Variants in PEPD observed in about 807,000 individuals in gnomAD.
The protein encoded by PEPD is peptidase D.
In PEPD, 53 loss-of-function variants were observed where a neutral mutation model predicts 60.7. The ratio of observed to expected loss-of-function variants is 0.87; its 90% CI spans 0.70 to 1.10. The LOEUF is 1.10. Ranked by LOEUF, PEPD falls within the 50% of genes least tolerant of loss-of-function variation. The probability of loss-of-function intolerance (pLI) is 0.00; values close to 1 mark genes in which losing one functional copy is unlikely to be tolerated. For missense variants in PEPD, 711 were observed against 711.9 expected, an observed-to-expected ratio of 1.00 and a Z score of 0.01; for synonymous variants, 267 against 284.1, an observed-to-expected ratio of 0.94 and a Z score of 0.60.
At chr19:33,439,107 G>A (rs1021080564) in intron 9 of PEPD, among the ~76,000 whole-genome samples, 1 of 152,230 alleles carries the variant, frequency 6.6e-6, no homozygotes, top group African/African-American at 2.4e-5. Context: ...GACAGGACAT[G>A]GAGTCGAGGT....
At chr19:33,417,759 C>T (rs145793839) in intron 9 of PEPD, among the ~76,000 whole-genome samples, 4 of 152,256 alleles carry the variant, frequency 2.6e-5, no homozygotes, top group Non-Finnish European at 4.4e-5. Context: ...GAGAGGAGGT[C>T]GTGGGCATCC....
At chr19:33,474,362 T>C (rs890692568) in intron 7 of PEPD, among the ~76,000 whole-genome samples, 3 of 152,220 alleles carry the variant, frequency 2.0e-5, no homozygotes, top group African/African-American at 7.2e-5. Context: ...TGGAAATAAC[T>C]AGAACACTTA....
chr19:33,505,037 G>A (rs898577257), intron 3 of PEPD, among the ~76,000 whole-genome samples: 1 of 152,192 alleles, frequency 6.6e-6, no homozygotes, highest in African/African-American at 2.4e-5. Flanking sequence ...TGGGGGCCAC[G>A]GGTGGGAAGG....
intron 12 of PEPD, among the ~76,000 whole-genome samples, chr19:33,397,608 TG>T (rs1188914055): frequency 1.5e-5 from 2 of 129,816 alleles, no homozygotes; most frequent in Non-Finnish European, 3.3e-5. Flanking sequence ...GTGGTAGGTG[TG>T]GGGGGGCTGC....
At chr19:33,520,816 CCTT>C (rs137989527) in intron 1 of PEPD, among the ~76,000 whole-genome samples, 11,178 of 152,250 alleles carry the variant, frequency 0.073, 510 homozygotes, top group Non-Finnish European at 0.11. Flanking sequence ...CAGACCCACA[CCTT>C]CTCCCATTGA....
At chr19:33,454,330 A>C (rs1969756020) in intron 9 of PEPD, among the ~76,000 whole-genome samples, 1 of 152,200 alleles carries the variant, frequency 6.6e-6, no homozygotes, top group Admixed American at 6.5e-5. Flanking sequence ...GGCCAGGCGC[A>C]GTGGCTCACA....
At chr19:33,421,658 T>A (rs1969021673) in intron 9 of PEPD, among the ~76,000 whole-genome samples, 1 of 151,918 alleles carries the variant, frequency 6.6e-6, no homozygotes, top group African/African-American at 2.4e-5. Flanking sequence ...GCCCAGCTAA[T>A]TTTTTTTATA....
intron 7 of PEPD, among the ~76,000 whole-genome samples, chr19:33,469,317 G>A (rs1451011678): frequency 1.3e-5 from 2 of 152,172 alleles, no homozygotes; most frequent in African/African-American, 4.8e-5. Context: ...GTCATGCACT[G>A]GCAATGGCCA....
In PEPD at chr19:33,417,028, G is replaced by A. The variant is rs1467258406; in HGVS notation, c.672-3385C>T. On this transcript the variant is annotated intron_variant, in intron 9 of 14. Coordinates refer to ENST00000244137, the MANE Select transcript of PEPD (RefSeq NM_000285.4). ...GCCCGTGGAGCGCTCCCGGGCACACGGCCCAGCTCCTGCCCTCAGAAGTTT... is the reference window on the plus strand; with the variant it reads ...GCCCGTGGAGCGCTCCCGGGCACACAGCCCAGCTCCTGCCCTCAGAAGTTT... 3.9e-5 allele frequency among the ~76,000 whole-genome samples: 6 copies of A among 152,258 alleles called. No homozygotes were observed. In the South Asian group the frequency reaches 1.0e-3, roughly 26 times the overall value.
In PEPD at chr19:33,413,651, G is replaced by A; in HGVS notation, c.672-8C>T. 3.8e-6 allele frequency: 6 copies of A among 1,567,184 alleles called. No homozygotes were observed. Among genetic ancestry groups the A allele is most frequent in the Non-Finnish European group, 4.3e-6 (5 of 1,151,060 alleles). On this transcript the variant is annotated splice_polypyrimidine_tract_variant and splice_region_variant and intron_variant, in intron 9 of 14. Transcript: ENST00000244137. ...CAGTAGTGCTCGAAGAGGCTGCAGG[G>A]GGAGAGACGCGTCAGGGTTGGGGCA...
intron 11 of PEPD, among the ~76,000 whole-genome samples, chr19:33,410,167 C>T (rs1968730511): frequency 6.6e-6 from 1 of 152,246 alleles, no homozygotes; most frequent in Admixed American, 6.5e-5. Flanking sequence ...TTCCACTGGC[C>T]TGCCTCCGCT....
intron 9 of PEPD, among the ~76,000 whole-genome samples, chr19:33,423,426 C>T (rs968114498): frequency 4.6e-5 from 7 of 152,216 alleles, no homozygotes; most frequent in Non-Finnish European, 7.3e-5. Flanking sequence ...TGACCAAATG[C>T]ACATTTCCAA....
intron 3 of PEPD, among the ~76,000 whole-genome samples, chr19:33,503,214 G>A (rs563669004): frequency 6.6e-6 from 1 of 152,316 alleles, no homozygotes; most frequent in East Asian, 1.9e-4. Flanking sequence ...CCCAGGGACG[G>A]CTGCAGGGAG....
At chr19:33,507,902 G>C (rs993908502) in intron 3 of PEPD, among the ~76,000 whole-genome samples, 1 of 152,110 alleles carries the variant, frequency 6.6e-6, no homozygotes, top group Non-Finnish European at 1.5e-5. Flanking sequence ...GGGTGGCTGT[G>C]GTAGGGAGCC....
intron 9 of PEPD, among the ~76,000 whole-genome samples, chr19:33,424,329 A>T (rs1192018862): frequency 6.6e-6 from 1 of 152,244 alleles, no homozygotes; most frequent in Non-Finnish European, 1.5e-5. Context: ...GGAAATTCGC[A>T]ATCTGTGACT....
At chr19:33,391,101 C>T (rs563607578) in intron 13 of PEPD, among the ~76,000 whole-genome samples, 194 bp downstream of exon 13, 1 of 152,164 alleles carries the variant, frequency 6.6e-6, no homozygotes, top group Non-Finnish European at 1.5e-5. Flanking sequence ...GGAATGCTCA[C>T]AGATGCACCC....
chr19:33,397,711 G>C (rs1268409260), intron 12 of PEPD, among the ~76,000 whole-genome samples: 2 of 152,250 alleles, frequency 1.3e-5, no homozygotes, highest in East Asian at 1.9e-4. Context: ...GAGCGGGGCT[G>C]GGGGAGGACC....
intron 9 of PEPD, among the ~76,000 whole-genome samples, chr19:33,424,956 C>T (rs1306500336): frequency 6.6e-6 from 1 of 151,856 alleles, no homozygotes; most frequent in Non-Finnish European, 1.5e-5. Context: ...TCCACACAGC[C>T]AAACCATATC....
At position 33,500,958 on chromosome 19, in the gene PEPD, C is replaced by T. The variant is rs377429945; in HGVS notation, c.373G>A (p.Asp125Asn). Reference sequence around the variant, plus strand: ...CCCACCTCATCTACGTACTGGACGTCGTCCACGGCATACTTCTCCTTGAAG... The same window carrying T: ...CCCACCTCATCTACGTACTGGACGTTGTCCACGGCATACTTCTCCTTGAAG... The part of the protein sequence containing the change: ...EHFKEKYAVD[D>N]VQYVDEIASV... Residue 125 changes from aspartate to asparagine, a missense_variant, in exon 4 of 15, where the codon GAC becomes AAC. Asp to Asn is a conservative substitution (Grantham distance 23, BLOSUM62 1). Transcript: ENST00000244137. 6.2e-6 allele frequency: 10 copies of T among 1,603,798 alleles called. No homozygotes were observed. Among genetic ancestry groups the T allele is most frequent in the Admixed American group, 1.7e-5 (1 of 59,996 alleles).
Sources: gnomAD v4.1 joint callset for allele counts (sites outside exome capture counted in the v4.1 genomes callset) on GRCh38, gnomAD v4.1.1 for gene constraint, MANE v1.5 for transcripts, NCBI Gene and HGNC (gene_info 2026-07-23, HGNC 2026-07-21) for gene names.